ZNF536: variants seen among roughly 807,000 people sequenced by gnomAD.
ZNF536 encodes the protein zinc finger protein 536.
ZNF536 carries 13 observed loss-of-function variants against 84.5 expected under a neutral mutation model. That is an observed-to-expected ratio of 0.15 (90% CI 0.10 to 0.24). ZNF536 has a LOEUF of 0.24. Ranked by LOEUF, ZNF536 falls within the 10% of genes least tolerant of loss-of-function variation. The pLI is 1.00. For missense variants in ZNF536, 1,536 were observed against 1,747.5 expected (o/e 0.88, Z 2.16); for synonymous variants, 811 against 742.5 (o/e 1.09, Z -1.50).
chr19:30,641,756 A>G (rs936740335), intron 1 of ZNF536, among the ~76,000 whole-genome samples: 1 of 152,160 alleles, frequency 6.6e-6, no homozygotes, highest in Non-Finnish European at 1.5e-5. Flanking sequence ...CCTCAATGGG[A>G]GGTCACTTCC....
chr19:30,578,409 A>C (rs967209387), intron 1 of ZNF536, among the ~76,000 whole-genome samples: 3 of 152,332 alleles, frequency 2.0e-5, no homozygotes, highest in Non-Finnish European at 2.9e-5. Flanking sequence ...CCCAGGCATA[A>C]TGCCTGCCTT....
At chr19:30,340,487 C>T (rs1600290168) in intron 2 of ZNF536, among the ~76,000 whole-genome samples, 1 of 152,298 alleles carries the variant, frequency 6.6e-6, no homozygotes, top group Non-Finnish European at 1.5e-5. Context: ...CTCTCCCCTT[C>T]TTACTTGACT....
intron 2 of ZNF536, among the ~76,000 whole-genome samples, chr19:30,284,456 T>A (rs148259504): frequency 3.1e-3 from 477 of 152,324 alleles, no homozygotes; most frequent in South Asian, 0.023. Context: ...TGAGAGCTGG[T>A]GGGGCTTTTG....
At chr19:30,595,075 G>A (rs1016598945) in intron 1 of ZNF536, among the ~76,000 whole-genome samples, 3 of 152,112 alleles carry the variant, frequency 2.0e-5, no homozygotes, top group Non-Finnish European at 2.9e-5. Flanking sequence ...CTCAAAGTGT[G>A]GCCAAGGAAG....
intron 1 of ZNF536, among the ~76,000 whole-genome samples, chr19:30,691,124 C>G (rs2051390091): frequency 6.6e-6 from 1 of 152,028 alleles, no homozygotes; most frequent in African/African-American, 2.4e-5. Context: ...CAGAGGCCTC[C>G]CAACAAAATC....
intron 1 of ZNF536, among the ~76,000 whole-genome samples, chr19:30,632,106 C>T (rs2048908033): frequency 6.6e-6 from 1 of 152,182 alleles, no homozygotes; most frequent in South Asian, 2.1e-4. Flanking sequence ...CAGAATGGGA[C>T]CGCATTTGAA....
chr19:30,686,070 C>T (rs572608285), intron 1 of ZNF536, among the ~76,000 whole-genome samples: 38 of 152,340 alleles, frequency 2.5e-4, no homozygotes, highest in Middle Eastern at 3.4e-3. Flanking sequence ...AGGAAAGGGC[C>T]TGCACAACTT....
At position 30,237,692 on chromosome 19, in the gene ZNF536, T is replaced by C. The variant is rs889751758; in HGVS notation, c.-190+9019T>C. On this transcript the variant is annotated intron_variant, in intron 1 of 5. Coordinates refer to the ZNF536 transcript ENST00000585628. ...AGAGTCTAAAGGAGGATTCTTTGTG[T>C]GCATTTTGTTTGCTAATTAAATTGT... Among the ~76,000 whole-genome samples the C allele has an allele frequency of 6.6e-5, 10 of 152,190 alleles. No individual in the cohort carries two copies. In the East Asian group the frequency reaches 1.9e-3, roughly 29 times the overall value.
At position 30,286,820 on chromosome 19, in the gene ZNF536, A is replaced by G. The variant is rs944733866; in HGVS notation, c.-120+2679A>G. On this transcript the variant is annotated intron_variant, in intron 2 of 5. Transcript: ENST00000585628. ...TAATGAGGAATAAAGCTTCTGTCAT[A>G]AAAATATTGCCTGCAGTATTTGCCC... 7.9e-5 allele frequency among the ~76,000 whole-genome samples: 12 copies of G among 152,358 alleles called. No homozygotes were observed. In the South Asian group the frequency reaches 8.3e-4, roughly 11 times the overall value.
intron 1 of ZNF536, among the ~76,000 whole-genome samples, chr19:30,611,988 C>A (rs889038242): frequency 6.6e-6 from 1 of 152,034 alleles, no homozygotes; most frequent in Non-Finnish European, 1.5e-5. Context: ...GCTGTTTGGT[C>A]GTGGGCATTT....
At chr19:30,708,541 TGGC>T (rs2052339618) in intron 1 of ZNF536, among the ~76,000 whole-genome samples, 1 of 152,162 alleles carries the variant, frequency 6.6e-6, no homozygotes, top group Non-Finnish European at 1.5e-5. Flanking sequence ...GAGGACAGGC[TGGC>T]GGTGGGAAAC....
intron 2 of ZNF536, among the ~76,000 whole-genome samples, chr19:30,476,141 T>C (rs900343961): frequency 6.6e-6 from 1 of 152,156 alleles, no homozygotes; most frequent in Non-Finnish European, 1.5e-5. Flanking sequence ...TTCTTCAGCC[T>C]TTTCCTCCCT....
At chr19:30,329,193 C>G (rs768261754) in intron 2 of ZNF536, among the ~76,000 whole-genome samples, 1 of 152,320 alleles carries the variant, frequency 6.6e-6, no homozygotes, top group East Asian at 1.9e-4. Flanking sequence ...GGCCACACAA[C>G]AGCAAGTGAA....
chr19:30,296,973 C>G (rs556076256), intron 2 of ZNF536, among the ~76,000 whole-genome samples: 9 of 152,188 alleles, frequency 5.9e-5, no homozygotes, highest in Non-Finnish European at 1.2e-4. Flanking sequence ...GAGAGTAAAA[C>G]TTCCAGAAGA....
chr19:30,411,710 C>T (rs1387497153), intron 1 of ZNF536, among the ~76,000 whole-genome samples: 1 of 151,970 alleles, frequency 6.6e-6, no homozygotes, highest in Admixed American at 6.5e-5. Flanking sequence ...TATAGTTTTA[C>T]TGTATTTTGA....
At chr19:30,565,036 T>A (rs1481978924) in intron 1 of ZNF536, among the ~76,000 whole-genome samples, 1 of 152,190 alleles carries the variant, frequency 6.6e-6, no homozygotes, top group African/African-American at 2.4e-5. Context: ...AGAACTCTGA[T>A]TAAGATGCAC....
intron 2 of ZNF536, among the ~76,000 whole-genome samples, chr19:30,519,938 G>T (rs1001110399): frequency 5.3e-5 from 8 of 152,242 alleles, no homozygotes; most frequent in Admixed American, 3.3e-4. Context: ...TGTCCTGAAG[G>T]TTAAATTCTG....
intron 1 of ZNF536, among the ~76,000 whole-genome samples, chr19:30,629,221 CAG>C (rs1301550196): frequency 6.6e-6 from 1 of 152,002 alleles, no homozygotes; most frequent in East Asian, 1.9e-4. Context: ...TTTTTTGAGA[CAG>C]AGTCTTACTC....
chr19:30,448,522 A>C, intron 2 of ZNF536, among the ~76,000 whole-genome samples: 1 of 152,216 alleles, frequency 6.6e-6, no homozygotes, highest in Non-Finnish European at 1.5e-5. Flanking sequence ...AATAACTGCA[A>C]AACACGGTTT....
Sources: allele counts gnomAD v4.1 joint callset (sites outside exome capture counted in the v4.1 genomes callset), GRCh38; gene constraint gnomAD v4.1.1; transcripts MANE v1.5; gene names NCBI Gene and HGNC (gene_info 2026-07-23, HGNC 2026-07-21).